DNAH7: variants seen among roughly 807,000 people sequenced by gnomAD.
DNAH7 encodes the protein axonemal beta dynein heavy chain 7.
A neutral mutation model predicts 444.6 loss-of-function variants in DNAH7; 397 were observed. The ratio of observed to expected loss-of-function variants is 0.89; its 90% CI spans 0.82 to 0.97. The LOEUF (loss-of-function observed/expected upper bound fraction) is 0.97. Ranked by LOEUF, DNAH7 falls within the 50% of genes least tolerant of loss-of-function variation. The pLI, the probability that DNAH7 is intolerant of heterozygous loss-of-function variation, is 0.00. For missense variants in DNAH7, 4,902 were observed against 4,800.8 expected, an observed-to-expected ratio of 1.02 and a Z score of -0.62; for synonymous variants, 1,636 against 1,624.4, an observed-to-expected ratio of 1.01 and a Z score of -0.17.
chr2:195,849,881 G>A (rs1311495586), intron 46 of DNAH7, among the ~76,000 whole-genome samples: 1 of 152,190 alleles, frequency 6.6e-6, no homozygotes, highest in Non-Finnish European at 1.5e-5. Flanking sequence ...GGGATTACGG[G>A]TGTGAGCCAC....
chr2:195,777,897 C>A lies in DNAH7; in HGVS notation c.10967G>T (p.Arg3656Leu). The A allele has an allele frequency of 6.2e-7, 1 of 1,614,174 alleles. No individual in the cohort carries two copies. Among genetic ancestry groups the A allele is most frequent in the Non-Finnish European group, 8.5e-7 (1 of 1,180,016 alleles). ...VTDDWDRRTL[R>L]SILNKFFNPE... The stretch of plus-strand genomic sequence containing the variant: ...ATTGAAGAATTTGTTTAGAATGCTG[C>A]GCAGCGTGCGCCGGTCCCAGTCATC... The change falls in exon 59 of 65, where the codon CGC (arginine) becomes CTC (leucine). Residue 3656 changes from arginine to leucine, a missense_variant. Coordinates refer to ENST00000312428, the MANE Select transcript of DNAH7 (RefSeq NM_018897.3).
intron 21 of DNAH7, among the ~76,000 whole-genome samples, chr2:195,930,186 T>C (rs1318634107): frequency 1.3e-5 from 2 of 152,000 alleles, no homozygotes; most frequent in African/African-American, 2.4e-5. Flanking sequence ...CTACTAAAAA[T>C]ACAAAAATTA....
At chr2:195,920,615 T>C (rs1687963371) in intron 24 of DNAH7, among the ~76,000 whole-genome samples, 1 of 152,150 alleles carries the variant, frequency 6.6e-6, no homozygotes, top group South Asian at 2.1e-4. Flanking sequence ...CCATAAAAAT[T>C]CTATAAGCTA....
At chr2:195,946,622 C>A (rs955989176) in intron 19 of DNAH7, among the ~76,000 whole-genome samples, 4 of 152,170 alleles carry the variant, frequency 2.6e-5, no homozygotes, top group African/African-American at 9.7e-5. Flanking sequence ...AAGAACAGCC[C>A]ATTTTGCAGG....
intron 54 of DNAH7, among the ~76,000 whole-genome samples, chr2:195,803,012 A>G (rs1350245849): frequency 6.6e-6 from 1 of 152,232 alleles, no homozygotes; most frequent in African/African-American, 2.4e-5. Flanking sequence ...GATATTTTGA[A>G]TGGTCACAGA....
intron 1 of DNAH7, among the ~76,000 whole-genome samples, chr2:196,058,693 TGATA>T (rs1697964264): frequency 6.6e-6 from 1 of 152,122 alleles, no homozygotes; most frequent in Non-Finnish European, 1.5e-5. Context: ...TTAAAGTTCT[TGATA>T]AATAAAAGGA....
chr2:196,037,630 C>G (rs1401104606), intron 5 of DNAH7, among the ~76,000 whole-genome samples: 1 of 151,910 alleles, frequency 6.6e-6, no homozygotes, highest in Non-Finnish European at 1.5e-5. Context: ...CTGCAATGGA[C>G]TAGATAAAGT....
chr2:196,028,330 GCT>G (rs1695819524), intron 5 of DNAH7, among the ~76,000 whole-genome samples: 1 of 152,048 alleles, frequency 6.6e-6, no homozygotes. Flanking sequence ...CAAGAATCAA[GCT>G]CTCTCTTCTC....
rs1028873158 is a variant in DNAH7 at position 195,881,703 on chromosome 2, G to A, written c.5961+92C>T. Reference sequence around the variant, plus strand: ...CTGCAGTTCAAACATCAAAGTACTTGAGTATTTTTAAAAAATTATTTGTCT... The same window carrying A: ...CTGCAGTTCAAACATCAAAGTACTTAAGTATTTTTAAAAAATTATTTGTCT... On this transcript the variant is annotated intron_variant, in intron 36 of 64. Transcript: ENST00000312428. 8 of 1,330,978 alleles carry A rather than the reference G, an allele frequency of 6.0e-6. No individual in the cohort carries two copies. The African/African-American group carries it at 1.2e-4, about 20-fold the overall frequency. The allele number at this position is 1,330,978 out of a possible 1,614,324, so 82.4% of individuals were successfully genotyped here. A position where few individuals can be genotyped will look rare whatever the true frequency, so the allele number is the denominator to read the frequency against.
At chr2:195,758,413 T>C (rs944959131) in intron 61 of DNAH7, among the ~76,000 whole-genome samples, 3 of 152,220 alleles carry the variant, frequency 2.0e-5, no homozygotes, top group African/African-American at 7.2e-5. Context: ...CAAGAATTTG[T>C]CTATTTCATT....
intron 10 of DNAH7, among the ~76,000 whole-genome samples, chr2:196,004,771 G>A (rs1231423399): frequency 1.4e-5 from 2 of 139,914 alleles, no homozygotes; most frequent in East Asian, 2.1e-4. Flanking sequence ...ACAACATGGT[G>A]AGGGTCTGTC....
intron 1 of DNAH7, among the ~76,000 whole-genome samples, chr2:196,067,299 G>A (rs1326882948): frequency 6.6e-6 from 1 of 152,126 alleles, no homozygotes. Flanking sequence ...AGATCTGGCC[G>A]AAGACTAACT....
chr2:195,740,705 T>C, intron 64 of DNAH7, 61 bp downstream of exon 64: 2 of 555,534 alleles, frequency 3.6e-6, no homozygotes, highest in Non-Finnish European at 5.2e-6. Context: ...CTATTTTATA[T>C]ATAATATATA....
chr2:195,743,753 A>T (rs1465404491), intron 63 of DNAH7, among the ~76,000 whole-genome samples: 1 of 152,084 alleles, frequency 6.6e-6, no homozygotes, highest in Non-Finnish European at 1.5e-5. Flanking sequence ...AGCTAGGATG[A>T]CAAAAAGGCT....
chr2:195,957,921 T>G (rs1309730510), intron 18 of DNAH7, among the ~76,000 whole-genome samples: 1 of 152,140 alleles, frequency 6.6e-6, no homozygotes, highest in African/African-American at 2.4e-5. Context: ...GTAAAGGTAT[T>G]CCCAATCAAG....
At chr2:195,749,647 C>CA (rs1297503579) in intron 63 of DNAH7, among the ~76,000 whole-genome samples, 1 of 151,166 alleles carries the variant, frequency 6.6e-6, no homozygotes, top group Non-Finnish European at 1.5e-5. Flanking sequence ...GAATACTATG[C>CA]AGCCATAAAA....
chr2:195,872,822 G>A (rs1700800139), intron 39 of DNAH7, among the ~76,000 whole-genome samples: 1 of 151,702 alleles, frequency 6.6e-6, no homozygotes, highest in African/African-American at 2.4e-5. Context: ...TTCATTCCCT[G>A]GCATTCTCAA....
In DNAH7 at chr2:195,897,767, T is replaced by TAAA. The variant is rs61502519; in HGVS notation, c.4549-5_4549-3dup. ...TTCATTTTCATTTGGATATTTCAGC[T>TAAA]AAAAAAAAAAAAAAAAACTCATGAG... On this transcript the variant is annotated splice_region_variant and splice_polypyrimidine_tract_variant and intron_variant, in intron 28 of 64. Coordinates refer to ENST00000312428, the MANE Select transcript of DNAH7 (RefSeq NM_018897.3). The TAAA allele has an allele frequency of 9.8e-4, 1,117 of 1,143,672 alleles. No homozygotes were observed. The highest frequency in any genetic ancestry group is 2.5e-3 in the South Asian group (155 of 61,186). The allele number at this position is 1,143,672 out of a possible 1,614,324, so 70.8% of individuals were successfully genotyped here.
intron 17 of DNAH7, among the ~76,000 whole-genome samples, chr2:195,962,148 T>C (rs1000817237): frequency 2.0e-5 from 3 of 152,182 alleles, no homozygotes. Flanking sequence ...GTTAGCTAAA[T>C]ACATGGGTTA....
Sources: gnomAD v4.1 joint callset for allele counts (sites outside exome capture counted in the v4.1 genomes callset) on GRCh38, gnomAD v4.1.1 for gene constraint, MANE v1.5 for transcripts, NCBI Gene and HGNC (gene_info 2026-07-23, HGNC 2026-07-21) for gene names.